The following PPM1H variants were observed in gnomAD, a reference collection of about 807,000 sequenced individuals.
The protein encoded by PPM1H is protein phosphatase 1H.
A neutral mutation model predicts 54.9 loss-of-function variants in PPM1H; 27 were observed. The ratio of observed to expected loss-of-function variants is 0.49; its 90% CI spans 0.36 to 0.68. The LOEUF (loss-of-function observed/expected upper bound fraction) is 0.68. Ranked by LOEUF, PPM1H falls within the 30% of genes least tolerant of loss-of-function variation. The pLI, the probability that PPM1H is intolerant of heterozygous loss-of-function variation, is 0.00. For missense variants in PPM1H, 596 were observed against 667.8 expected, an observed-to-expected ratio of 0.89 and a Z score of 1.19; for synonymous variants, 305 against 270.8, an observed-to-expected ratio of 1.13 and a Z score of -1.24.
chr12:62,694,008 G>A lies in PPM1H; in HGVS notation c.1074-9C>T. ...CAATGGTTTTGTATGCCCTGTAGGG[G>A]ATAAACAACATTTTAAAAAAGGTTT... On this transcript the variant is annotated splice_polypyrimidine_tract_variant and intron_variant, in intron 6 of 9. Coordinates refer to ENST00000228705, the MANE Select transcript of PPM1H (RefSeq NM_020700.2). 2 of 1,609,340 alleles carry A rather than the reference G, an allele frequency of 1.2e-6. No individual in the cohort carries two copies. The highest frequency in any genetic ancestry group is 1.7e-6 in the Non-Finnish European group (2 of 1,177,492).
intron 4 of PPM1H, among the ~76,000 whole-genome samples, chr12:62,773,093 A>G (rs2076589059): frequency 6.6e-6 from 1 of 152,212 alleles, no homozygotes; most frequent in African/African-American, 2.4e-5. Flanking sequence ...GGTGGTAGTG[A>G]GCCGAGATGG....
intron 1 of PPM1H, among the ~76,000 whole-genome samples, chr12:62,851,907 T>C (rs142948145): frequency 4.6e-4 from 70 of 152,056 alleles, no homozygotes; most frequent in African/African-American, 1.6e-3. Flanking sequence ...TATGTTGAAA[T>C]CCTAACCCCT....
chr12:62,736,319 C>A (rs1311209841), intron 5 of PPM1H, among the ~76,000 whole-genome samples: 1 of 135,006 alleles, frequency 7.4e-6, no homozygotes, highest in African/African-American at 3.9e-5. Context: ...GAATGAAGAT[C>A]TGAAGGCTGC....
At chr12:62,690,124 C>T (rs117594052) in intron 7 of PPM1H, among the ~76,000 whole-genome samples, 8 of 152,212 alleles carry the variant, frequency 5.3e-5, no homozygotes, top group East Asian at 1.9e-4. Flanking sequence ...GCATGCGTGA[C>T]GTCTACAGCT....
At chr12:62,870,767 G>A (rs533697826) in intron 1 of PPM1H, among the ~76,000 whole-genome samples, 26 of 152,244 alleles carry the variant, frequency 1.7e-4, no homozygotes, top group Non-Finnish European at 2.5e-4. Context: ...GTGAATAGAC[G>A]TTTTTGCAAA....
At chr12:62,780,356 C>T (rs2076634651) in intron 4 of PPM1H, among the ~76,000 whole-genome samples, 1 of 152,172 alleles carries the variant, frequency 6.6e-6, no homozygotes, top group South Asian at 2.1e-4. Context: ...GGCTAGAATG[C>T]ATTGGTGCAA....
chr12:62,893,909 G>T (rs1364695863), intron 1 of PPM1H, among the ~76,000 whole-genome samples: 1 of 152,100 alleles, frequency 6.6e-6, no homozygotes, highest in Non-Finnish European at 1.5e-5. Flanking sequence ...TTTAACACTG[G>T]TCTTTTTCAG....
intron 8 of PPM1H, among the ~76,000 whole-genome samples, chr12:62,681,189 G>A (rs546142031): frequency 2.6e-5 from 4 of 151,996 alleles, no homozygotes; most frequent in East Asian, 3.9e-4. Flanking sequence ...TTTTTAATTG[G>A]TTCAGAAAAC....
Position 62,689,729 on chromosome 12 carries a change from G to A in PPM1H, c.1215C>T (p.Tyr405=). 3 of 1,613,736 alleles carry A rather than the reference G, an allele frequency of 1.9e-6. No homozygotes were observed. Among genetic ancestry groups the A allele is most frequent in the Admixed American group, 1.7e-5 (1 of 59,998 alleles). Reference sequence around the variant, plus strand: ...GAGCTGAAGACAGGAATGGTTTAATGTAGATGTTGGAGTCATGCACCTTCA... The same window carrying A: ...GAGCTGAAGACAGGAATGGTTTAATATAGATGTTGGAGTCATGCACCTTCA... ...HDLKVHDSNI[Y]IKPFLSSAPE... is the part of the protein sequence containing the mutation. The change falls in exon 8 of 10, where the codon TAC becomes TAT. Residue 405 remains tyrosine (Y), a synonymous_variant. Coordinates refer to ENST00000228705, the MANE Select transcript of PPM1H (RefSeq NM_020700.2).
At chr12:62,806,017 G>GA (rs1449230164) in intron 2 of PPM1H, among the ~76,000 whole-genome samples, 1 of 151,980 alleles carries the variant, frequency 6.6e-6, no homozygotes, top group Admixed American at 6.6e-5. Flanking sequence ...CATTACATTT[G>GA]AAAAAATGTA....
At chr12:62,660,066 C>T (rs2075874794) in intron 9 of PPM1H, among the ~76,000 whole-genome samples, 1 of 152,200 alleles carries the variant, frequency 6.6e-6, no homozygotes, top group South Asian at 2.1e-4. Flanking sequence ...GGCCTTTCCT[C>T]ATCACAGAAA....
intron 1 of PPM1H, among the ~76,000 whole-genome samples, chr12:62,918,549 C>A (rs1565828875): frequency 6.6e-6 from 1 of 152,140 alleles, no homozygotes; most frequent in East Asian, 1.9e-4. Context: ...AAACATTGAT[C>A]TTTTCTAACT....
intron 1 of PPM1H, among the ~76,000 whole-genome samples, chr12:62,919,137 T>C (rs1871713288): frequency 6.6e-6 from 1 of 152,238 alleles, no homozygotes; most frequent in Admixed American, 6.5e-5. Context: ...ACATGCATTG[T>C]GCCTCTCGGG....
chr12:62,768,836 A>T (rs337521), intron 4 of PPM1H, among the ~76,000 whole-genome samples: 31,142 of 151,954 alleles, frequency 0.2, 3,549 homozygotes, highest in East Asian at 0.3. Flanking sequence ...GGAAGAAATC[A>T]GCACATCCCT....
At chr12:62,698,688 A>T (rs1348800301) in intron 6 of PPM1H, among the ~76,000 whole-genome samples, 1 of 152,144 alleles carries the variant, frequency 6.6e-6, no homozygotes, top group Non-Finnish European at 1.5e-5. Context: ...AAAAATTAAC[A>T]AAGCTATTTC....
At position 62,658,182 on chromosome 12, in the gene PPM1H, ATTTTT is replaced by A. The variant is rs1173229360; in HGVS notation, c.1397+8991_1397+8995del. Among the ~76,000 whole-genome samples, 28 of 87,532 alleles carry A rather than the reference ATTTTT, an allele frequency of 3.2e-4. No homozygotes were observed. In the South Asian group the frequency reaches 4.1e-3, roughly 13 times the overall value. 57.4% of individuals were successfully genotyped at this position (87,532 alleles called of 152,430 possible). A position where few individuals can be genotyped will look rare whatever the true frequency, so the allele number is the denominator to read the frequency against. Reference sequence around the variant, plus strand: ...GAGACCAGCCTGGGTAACACGGTGAATTTTTTTTTTTTTTTTTTTTTTTTTTTTTT... The same window carrying A: ...GAGACCAGCCTGGGTAACACGGTGAATTTTTTTTTTTTTTTTTTTTTTTTT... On this transcript the variant is annotated intron_variant, in intron 9 of 9. Coordinates refer to ENST00000228705, the MANE Select transcript of PPM1H (RefSeq NM_020700.2).
chr12:62,883,286 G>A (rs566953743), intron 1 of PPM1H, among the ~76,000 whole-genome samples: 20 of 152,264 alleles, frequency 1.3e-4, no homozygotes, highest in African/African-American at 4.8e-4. Context: ...CCATGGAGTA[G>A]TGGGGTCTTA....
chr12:62,826,941 A>G (rs1211235784), intron 2 of PPM1H, among the ~76,000 whole-genome samples: 2 of 152,132 alleles, frequency 1.3e-5, no homozygotes, highest in African/African-American at 4.8e-5. Context: ...CCCATGCCAT[A>G]GATACCTTCC....
intron 1 of PPM1H, among the ~76,000 whole-genome samples, chr12:62,893,647 G>C (rs1354171634): frequency 6.6e-6 from 1 of 151,732 alleles, no homozygotes; most frequent in African/African-American, 2.4e-5. Flanking sequence ...GGGGGGGAGG[G>C]GGTGTGGTTT....
Sources: gnomAD v4.1 joint callset for allele counts (sites outside exome capture counted in the v4.1 genomes callset) on GRCh38, gnomAD v4.1.1 for gene constraint, MANE v1.5 for transcripts, NCBI Gene and HGNC (gene_info 2026-07-23, HGNC 2026-07-21) for gene names.